Variants in RORA observed in about 807,000 individuals in gnomAD.
RORA encodes the protein nuclear receptor ROR-alpha.
A neutral mutation model predicts 69.5 loss-of-function variants in RORA; 7 were observed. The observed-to-expected ratio is 0.10, with a 90% CI of 0.06 to 0.19. The LOEUF (loss-of-function observed/expected upper bound fraction) is 0.19, where lower values mean the gene tolerates loss of function less well. Among genes scored for constraint, RORA ranks in the 10% least tolerant of loss-of-function variants. The pLI is 1.00. For missense variants in RORA, 457 were observed against 663.0 expected (o/e 0.69, Z 3.41); for synonymous variants, 261 against 240.8 (o/e 1.08, Z -0.78).
chr15:60,845,817 G>A lies in RORA; in HGVS notation c.167-167131C>T, dbSNP rs148316095. Among the ~76,000 whole-genome samples the A allele has an allele frequency of 9.2e-5, 14 of 152,244 alleles. 1 individual carries two copies. In the East Asian group the frequency reaches 2.5e-3, roughly 27 times the overall value. ...GCTGCAGTGCAGTGGTGCGATCTCC[G>A]CTCACTGCAACCTCCGCCTCCCGGG... On this transcript the variant is annotated intron_variant, in intron 1 of 10. Transcript: ENST00000335670.
intron 2 of RORA, chr15:60,546,498 T>C (rs1428585355): frequency 6.6e-6 from 1 of 152,100 alleles, no homozygotes; most frequent in Non-Finnish European, 1.5e-5. Context: ...GAGAAACAGA[T>C]AGAGACAGGA....
chr15:60,826,425 C>T (rs1303031894), intron 1 of RORA, among the ~76,000 whole-genome samples: 1 of 152,192 alleles, frequency 6.6e-6, no homozygotes, highest in Non-Finnish European at 1.5e-5. Flanking sequence ...AGCCTGGCTG[C>T]TGACTTCCCT....
chr15:61,121,903 C>T (rs1289781966), intron 1 of RORA, among the ~76,000 whole-genome samples: 1 of 149,728 alleles, frequency 6.7e-6, no homozygotes, highest in African/African-American at 2.5e-5. Context: ...ATACATACTG[C>T]AGGTTATGAA....
intron 1 of RORA, among the ~76,000 whole-genome samples, chr15:60,805,567 T>C (rs1477360358): frequency 1.3e-5 from 2 of 152,156 alleles, no homozygotes; most frequent in African/African-American, 4.8e-5. Context: ...ACCCAACACA[T>C]AGAGTAGTTG....
At chr15:61,185,562 C>A (rs1006962061) in intron 1 of RORA, among the ~76,000 whole-genome samples, 1 of 152,150 alleles carries the variant, frequency 6.6e-6, no homozygotes, top group South Asian at 2.1e-4. Flanking sequence ...TCTCACTGGT[C>A]CCCCAAACTA....
chr15:60,957,353 G>A (rs1291097260), intron 1 of RORA, among the ~76,000 whole-genome samples: 1 of 152,210 alleles, frequency 6.6e-6, no homozygotes, highest in Non-Finnish European at 1.5e-5. Context: ...GCCAAGAAAG[G>A]CAGGTGAGGA....
At chr15:61,066,343 C>CT (rs1324517264) in intron 1 of RORA, among the ~76,000 whole-genome samples, 2 of 147,926 alleles carry the variant, frequency 1.4e-5, no homozygotes, top group African/African-American at 5.0e-5. Context: ...ATCTGGGAAA[C>CT]TTTTTTTAGG....
chr15:61,104,075 G>C (rs1268089151), intron 1 of RORA, among the ~76,000 whole-genome samples: 2 of 152,160 alleles, frequency 1.3e-5, no homozygotes, highest in African/African-American at 2.4e-5. Flanking sequence ...GGGGAGGTGG[G>C]AAAAGCCACA....
chr15:60,802,908 G>A (rs981281101), intron 1 of RORA, among the ~76,000 whole-genome samples: 2 of 152,040 alleles, frequency 1.3e-5, no homozygotes, highest in South Asian at 2.1e-4. Context: ...AAACAGGAAG[G>A]AAAACCCTTA....
chr15:61,141,057 C>T (rs9788699), intron 1 of RORA, among the ~76,000 whole-genome samples: 7,645 of 152,138 alleles, frequency 0.05, 790 homozygotes, highest in Admixed American at 0.24. Context: ...AGTATCACAA[C>T]GGAAAAGTGT....
At chr15:60,888,730 C>T (rs1233137736) in intron 1 of RORA, among the ~76,000 whole-genome samples, 1 of 152,148 alleles carries the variant, frequency 6.6e-6, no homozygotes, top group Non-Finnish European at 1.5e-5. Context: ...TTTAAGACAT[C>T]AGGCGGGTGC....
intron 1 of RORA, among the ~76,000 whole-genome samples, chr15:61,050,848 A>C (rs572041885): frequency 6.6e-6 from 1 of 152,316 alleles, no homozygotes; most frequent in South Asian, 2.1e-4. Context: ...TGGGTGAGGA[A>C]ACCAAGTCTT....
At chr15:60,988,309 A>ATT (rs1283747585) in intron 1 of RORA, among the ~76,000 whole-genome samples, 2 of 152,184 alleles carry the variant, frequency 1.3e-5, no homozygotes, top group African/African-American at 4.8e-5. Context: ...TGGGGTAGAA[A>ATT]GTCAGAAGCA....
intron 1 of RORA, among the ~76,000 whole-genome samples, chr15:61,207,399 G>A (rs924523586): frequency 5.3e-5 from 8 of 152,196 alleles, no homozygotes; most frequent in African/African-American, 1.4e-4. Context: ...TTTTAAATGA[G>A]AGAATCATTT....
intron 2 of RORA, among the ~76,000 whole-genome samples, chr15:60,638,390 T>C (rs535229351): frequency 6.7e-6 from 1 of 149,800 alleles, no homozygotes; most frequent in East Asian, 1.9e-4. Flanking sequence ...TCTTTTCTTT[T>C]TTTTTTTTTT....
chr15:60,986,609 G>A (rs145318918), intron 1 of RORA, among the ~76,000 whole-genome samples: 7 of 152,328 alleles, frequency 4.6e-5, no homozygotes, highest in Non-Finnish European at 7.4e-5. Flanking sequence ...AAGGTTATCA[G>A]GGACAGGGTG....
chr15:61,078,568 T>C (rs766449760), intron 1 of RORA, among the ~76,000 whole-genome samples: 32 of 152,190 alleles, frequency 2.1e-4, no homozygotes, highest in Non-Finnish European at 4.3e-4. Flanking sequence ...GATACTATTA[T>C]GATCCTTTCA....
At chr15:61,047,303 A>G (rs574393084) in intron 1 of RORA, among the ~76,000 whole-genome samples, 3 of 152,252 alleles carry the variant, frequency 2.0e-5, no homozygotes, top group Non-Finnish European at 4.4e-5. Context: ...AGGAAATAAG[A>G]CAGACTGACC....
chr15:61,029,703 T>C (rs1002038882), intron 1 of RORA, among the ~76,000 whole-genome samples: 3 of 152,080 alleles, frequency 2.0e-5, no homozygotes, highest in African/African-American at 4.8e-5. Context: ...GGGGAAAGAA[T>C]TCTTGTTTTC....
Sources: allele counts gnomAD v4.1 joint callset (sites outside exome capture counted in the v4.1 genomes callset), GRCh38; gene constraint gnomAD v4.1.1; transcripts MANE v1.5; gene names NCBI Gene and HGNC (gene_info 2026-07-23, HGNC 2026-07-21).